SH3BP4: variants seen among roughly 807,000 people sequenced by gnomAD.
The protein encoded by SH3BP4 is SH3 domain-binding protein 4.
A neutral mutation model predicts 65.5 loss-of-function variants in SH3BP4; 33 were observed. The ratio of observed to expected loss-of-function variants is 0.50; its 90% CI spans 0.38 to 0.67. The LOEUF is 0.67. SH3BP4 is among the 30% of genes least tolerant of loss of function. The pLI is 0.00. For synonymous variants in SH3BP4, 552 were observed against 545.5 expected (o/e 1.01, Z -0.17); for missense variants, 1,134 against 1,261.4 (o/e 0.90, Z 1.53).
chr2:235,042,209 C>G lies in SH3BP4; in HGVS notation c.1440C>G (p.Gly480=), dbSNP rs1391778089. The change falls in exon 4 of 6, where the codon GGC becomes GGG. Residue 480 remains glycine (G), a synonymous_variant. Transcript: ENST00000392011. This position sits in a 1 kb window ranked among gnomAD's most constrained non-coding sequence, Gnocchi z 7.3. The part of the protein sequence containing the change: ...INKKVTVGLY[G]PKHIHPSFKT... Reference sequence around the variant, plus strand: ...AAAAAGTCACAGTGGGTCTCTACGGCCCTAAACACATCCACCCATCCTTCA... The same window carrying G: ...AAAAAGTCACAGTGGGTCTCTACGGGCCTAAACACATCCACCCATCCTTCA... 6.2e-7 allele frequency: 1 copy of G among 1,614,084 alleles called. No homozygotes were observed. Among genetic ancestry groups the G allele is most frequent in the Non-Finnish European group, 8.5e-7 (1 of 1,180,030 alleles).
At chr2:235,029,910 G>C (rs1301462864) in intron 2 of SH3BP4, among the ~76,000 whole-genome samples, 1 of 152,178 alleles carries the variant, frequency 6.6e-6, no homozygotes, top group African/African-American at 2.4e-5. Flanking sequence ...GATGAGGAGA[G>C]AGAAGATGGG....
rs1224825174 is a variant in SH3BP4, at chr2:234,977,636, A to G, written c.-206-17667A>G. Among the ~76,000 whole-genome samples, 1 of 152,106 alleles carries G rather than the reference A, an allele frequency of 6.6e-6. No individual in the cohort carries two copies. Among genetic ancestry groups the G allele is most frequent in the African/African-American group, 2.4e-5 (1 of 41,414 alleles). On this transcript the variant is annotated intron_variant, in intron 1 of 5. Transcript: ENST00000392011. This position sits in a 1 kb window ranked among gnomAD's most constrained non-coding sequence, Gnocchi z 5.1. Reference sequence around the variant, plus strand: ...TAGCGACTTAGGGGTGAGTGGATGGAAAACAGGATGAGAGTGTCTCTCCCC... The same window carrying G: ...TAGCGACTTAGGGGTGAGTGGATGGGAAACAGGATGAGAGTGTCTCTCCCC...
At chr2:235,016,388 A>G (rs1417611878) in intron 2 of SH3BP4, among the ~76,000 whole-genome samples, 1 of 152,182 alleles carries the variant, frequency 6.6e-6, no homozygotes, top group Non-Finnish European at 1.5e-5. Context: ...GCGGTGTTGT[A>G]CTTAGAAAGG....
chr2:234,969,505 G>T (rs912801541), intron 1 of SH3BP4, among the ~76,000 whole-genome samples: 2 of 152,198 alleles, frequency 1.3e-5, no homozygotes, highest in East Asian at 3.8e-4. Flanking sequence ...CAGCAGACAC[G>T]CACAGGCTGC....
chr2:234,997,685 G>A lies in SH3BP4; in HGVS notation c.-133+2309G>A, dbSNP rs1389499856. Among the ~76,000 whole-genome samples, 1 of 152,200 alleles carries A rather than the reference G, an allele frequency of 6.6e-6. No individual in the cohort carries two copies. Among genetic ancestry groups the A allele is most frequent in the Non-Finnish European group, 1.5e-5 (1 of 68,034 alleles). On this transcript the variant is annotated intron_variant, in intron 2 of 5. Transcript: ENST00000392011. This position sits in a 1 kb window ranked among gnomAD's most constrained non-coding sequence, Gnocchi z 4.2. Reference sequence around the variant, plus strand: ...TGATGGCTGGGAAGGGTGAGCTCCAGCCCCCGGTGGCTTGAACACCCTCTG... The same window carrying A: ...TGATGGCTGGGAAGGGTGAGCTCCAACCCCCGGTGGCTTGAACACCCTCTG...
chr2:234,998,039 C>A (rs1047268856), intron 2 of SH3BP4, among the ~76,000 whole-genome samples: 1 of 152,108 alleles, frequency 6.6e-6, no homozygotes, highest in African/African-American at 2.4e-5. Context: ...AGGAGAATCA[C>A]CTGAACCCAG....
chr2:235,051,909 C>T (rs1214854101), intron 4 of SH3BP4, among the ~76,000 whole-genome samples: 7 of 152,132 alleles, frequency 4.6e-5, no homozygotes, highest in African/African-American at 1.7e-4. Context: ...GGAGTGGTGA[C>T]AACTCTAATC....
chr2:234,989,510 C>T (rs1203794304), intron 1 of SH3BP4, among the ~76,000 whole-genome samples: 4 of 152,148 alleles, frequency 2.6e-5, no homozygotes, highest in Non-Finnish European at 5.9e-5. Flanking sequence ...CCCGCCTGGC[C>T]CTTTGCCCAC....
At chr2:235,039,961 G>A (rs908963913) in intron 3 of SH3BP4, among the ~76,000 whole-genome samples, 13 of 152,212 alleles carry the variant, frequency 8.5e-5, no homozygotes, top group Admixed American at 5.2e-4. Context: ...TGGGCCAGGC[G>A]CAGTGGCTCA....
At chr2:235,032,471 T>C (rs1695235805) in intron 2 of SH3BP4, among the ~76,000 whole-genome samples, 1 of 152,210 alleles carries the variant, frequency 6.6e-6, no homozygotes, top group Non-Finnish European at 1.5e-5. Context: ...GGGAAGGATT[T>C]TTACTCCTCA....
rs775443382 is a variant in SH3BP4 at position 235,042,683 on chromosome 2, G to A, written c.1914G>A (p.Pro638=). 2.2e-5 allele frequency: 36 copies of A among 1,614,042 alleles called. No individual in the cohort carries two copies. The highest frequency in any genetic ancestry group is 4.4e-5 in the South Asian group (4 of 91,088). The change falls in exon 4 of 6, where the codon CCG becomes CCA. Residue 638 remains proline, a synonymous_variant. Coordinates refer to ENST00000392011, the MANE Select transcript of SH3BP4 (RefSeq NM_014521.3). The surrounding 1 kb of genome is among the most constrained non-coding windows in gnomAD (Gnocchi z 7.3). ...AAGTCGGGAAAATCATCCTGTCCCCGTTTGCCACCACTACAAAGTACCCGA... is the reference window on the plus strand; with the variant it reads ...AAGTCGGGAAAATCATCCTGTCCCCATTTGCCACCACTACAAAGTACCCGA... ...KNEVGKIILS[P]FATTTKYPTF... is the part of the protein sequence containing the mutation.
In SH3BP4 at chr2:235,033,932, C is replaced by G. The variant is rs1385354477; in HGVS notation, c.-132-939C>G. Among the ~76,000 whole-genome samples, 1 of 152,148 alleles carries G rather than the reference C, an allele frequency of 6.6e-6. No individual in the cohort carries two copies. Among genetic ancestry groups the G allele is most frequent in the Non-Finnish European group, 1.5e-5 (1 of 68,024 alleles). On this transcript the variant is annotated intron_variant, in intron 2 of 5. Transcript: ENST00000392011. The surrounding 1 kb of genome is among the most constrained non-coding windows in gnomAD (Gnocchi z 5.7). ...GACCTCAGACCATTGTATATGTGCC[C>G]AGTTATATAGGGGTGAGATTTGCCT...
chr2:234,954,333 G>C (rs867083383), intron 1 of SH3BP4, among the ~76,000 whole-genome samples: 2 of 152,084 alleles, frequency 1.3e-5, no homozygotes, highest in African/African-American at 2.4e-5. Context: ...CAACAACAAA[G>C]TAATCAGGGT....
intron 2 of SH3BP4, among the ~76,000 whole-genome samples, chr2:235,025,237 C>T (rs1023765065): frequency 3.3e-5 from 5 of 152,092 alleles, no homozygotes; most frequent in African/African-American, 9.7e-5. Context: ...TGATTCTCAG[C>T]GGCAGGGTGA....
At chr2:235,018,210 C>T (rs970556331) in intron 2 of SH3BP4, among the ~76,000 whole-genome samples, 3 of 152,214 alleles carry the variant, frequency 2.0e-5, no homozygotes, top group African/African-American at 4.8e-5. Context: ...AGACCATGGC[C>T]CTGAGTTCAT....
Position 235,034,154 on chromosome 2 carries a change from C to T in SH3BP4, c.-132-717C>T, listed in dbSNP as rs188874663. Among the ~76,000 whole-genome samples, 818 of 152,106 alleles carry T rather than the reference C, an allele frequency of 5.4e-3. 3 individuals are homozygous for T. The highest frequency in any genetic ancestry group is 8.2e-3 in the Non-Finnish European group (555 of 67,974). ...CCCACATGCTTCAGTCCTGTCTGTG[C>T]GCCCTTCCAGAAAAAAAAAGCAGAG... On this transcript the variant is annotated intron_variant, in intron 2 of 5. Transcript: ENST00000392011. This position sits in a 1 kb window ranked among gnomAD's most constrained non-coding sequence, Gnocchi z 6.2.
Position 235,040,898 on chromosome 2 carries a change from C to G in SH3BP4, c.129C>G (p.Pro43=). 3.1e-6 allele frequency: 5 copies of G among 1,610,798 alleles called. No homozygotes were observed. The highest frequency in any genetic ancestry group is 4.2e-6 in the Non-Finnish European group (5 of 1,177,174). ...TTGTGTTTTGCACAGTGCCTTCTCC[C>G]AGTGCCTTGCTCGTAGACAACCCCA... ...TSFNDIKVPS[P]SALLVDNPTP... The change falls in exon 4 of 6, where the codon CCC becomes CCG. Residue 43 remains proline (P), a synonymous_variant. Transcript: ENST00000392011.
At chr2:234,968,823 A>G (rs892798841) in intron 1 of SH3BP4, among the ~76,000 whole-genome samples, 2 of 152,070 alleles carry the variant, frequency 1.3e-5, no homozygotes, top group African/African-American at 4.8e-5. Flanking sequence ...GTGTGTGTGT[A>G]TTTCATACTT....
chr2:235,010,252 T>C (rs1662151026), intron 2 of SH3BP4, among the ~76,000 whole-genome samples: 1 of 152,160 alleles, frequency 6.6e-6, no homozygotes. Flanking sequence ...CCCCCTTTGC[T>C]CTGTCCCTGG....
Sources: allele counts gnomAD v4.1 joint callset (sites outside exome capture counted in the v4.1 genomes callset), GRCh38; gene constraint gnomAD v4.1.1; non-coding constraint Gnocchi (gnomAD v3.1); transcripts MANE v1.5; gene names NCBI Gene and HGNC (gene_info 2026-07-23, HGNC 2026-07-21).